CKAP4: variants seen among roughly 807,000 people sequenced by gnomAD.
CKAP4 encodes the protein cytoskeleton associated protein 4.
CKAP4 carries 20 observed loss-of-function variants against 24.4 expected under a neutral mutation model. The ratio of observed to expected loss-of-function variants is 0.82; its 90% CI spans 0.58 to 1.19. The LOEUF (loss-of-function observed/expected upper bound fraction) is 1.19. CKAP4 is among the 50% of genes most tolerant of loss of function. The probability of loss-of-function intolerance (pLI) is 0.00; values close to 1 mark genes in which losing one functional copy is unlikely to be tolerated. For synonymous variants in CKAP4, 378 were observed against 351.7 expected (o/e 1.07, Z -0.84); for missense variants, 744 against 765.3 (o/e 0.97, Z 0.33).
In CKAP4 at chr12:106,247,719, GCGGCGGCTGCTGCGGCGC is replaced by G. The variant is rs2034030033; in HGVS notation, c.115_132del (p.Ala39_Pro44del). 2 of 1,044,600 alleles carry G rather than the reference GCGGCGGCTGCTGCGGCGC, an allele frequency of 1.9e-6. No individual in the cohort carries two copies. The highest frequency in any genetic ancestry group is 2.3e-6 in the Non-Finnish European group (2 of 874,210). The allele number at this position is 1,044,600 out of a possible 1,614,324, so 64.7% of individuals were successfully genotyped here. On this transcript the variant is annotated inframe_deletion, in exon 1 of 2. Coordinates refer to ENST00000378026, the MANE Select transcript of CKAP4 (RefSeq NM_006825.4). The surrounding 1 kb of genome is among the most constrained non-coding windows in gnomAD (Gnocchi z 4.5). ...TGCTGCGGGTGCGGCGCGGGCGGCGGCGGCGGCTGCTGCGGCGCCGGCGGCGGCTTCTTCGCCACGTCA... is the reference window on the plus strand; with the variant it reads ...TGCTGCGGGTGCGGCGCGGGCGGCGGCGGCGGCGGCTTCTTCGCCACGTCA...
Position 106,247,662 on chromosome 12 carries a change from G to A in CKAP4, c.190C>T (p.His64Tyr). The A allele has an allele frequency of 9.0e-7, 1 of 1,109,286 alleles. No homozygotes were observed. The highest frequency in any genetic ancestry group is 1.1e-6 in the Non-Finnish European group (1 of 889,574). The allele number at this position is 1,109,286 out of a possible 1,614,324, so 68.7% of individuals were successfully genotyped here. A position where few individuals can be genotyped will look rare whatever the true frequency, so the allele number is the denominator to read the frequency against. The change falls in exon 1 of 2, where the codon CAC becomes TAC. Residue 64 changes from histidine (H) to tyrosine (Y), a missense_variant. This residue lies in a region of CKAP4 where 300 missense variants were observed against 264.5 expected (regional missense o/e 1.13). Coordinates refer to ENST00000378026, the MANE Select transcript of CKAP4 (RefSeq NM_006825.4). The surrounding 1 kb of genome is among the most constrained non-coding windows in gnomAD (Gnocchi z 4.5). ...HPQQHPQNQA[H>Y]GKGGHRGGGG... ...CCGCCGCGGTGGCCGCCCTTGCCGT[G>A]CGCCTGGTTCTGCGGGTGCTGCTGC...
rs1339521433 is a variant in CKAP4, at chr12:106,247,562, G to T, written c.290C>A (p.Ser97Ter). 2 of 1,457,720 alleles carry T rather than the reference G, an allele frequency of 1.4e-6. No homozygotes were observed. The highest frequency in any genetic ancestry group is 9.1e-7 in the Non-Finnish European group (1 of 1,104,728). The allele number at this position is 1,457,720 out of a possible 1,614,324, so 90.3% of individuals were successfully genotyped here. A position where few individuals can be genotyped will look rare whatever the true frequency, so the allele number is the denominator to read the frequency against. Reference sequence around the variant, plus strand: ...GCCGAGCCTGCGCGAGCAGGACGCCGAGGACGAGGCGGCGGCGGCGGCAGC... The same window carrying T: ...GCCGAGCCTGCGCGAGCAGGACGCCTAGGACGAGGCGGCGGCGGCGGCAGC... The part of the protein sequence containing the change: ...AAAAAAAASS[S>*]ASCSRRLGRA... The change falls in exon 1 of 2, where the codon TCG (serine) becomes TAG (stop). Residue 97 changes from serine to a stop codon, truncating the protein, a stop_gained. Coordinates refer to ENST00000378026, the MANE Select transcript of CKAP4 (RefSeq NM_006825.4). LOFTEE classifies it high-confidence loss of function. This position sits in a 1 kb window ranked among gnomAD's most constrained non-coding sequence, Gnocchi z 4.5.
At position 106,238,661 on chromosome 12, in the gene CKAP4, CCTT is replaced by C. The variant is rs759804666; in HGVS notation, c.*360_*362del. 5.9e-4 allele frequency: 109 copies of C among 183,538 alleles called. No individual in the cohort carries two copies. The highest frequency in any genetic ancestry group is 1.0e-3 in the Non-Finnish European group (91 of 90,106). The allele number at this position is 183,538 out of a possible 1,614,324, so 11.4% of individuals were successfully genotyped here. On this transcript the variant is annotated 3_prime_UTR_variant, in exon 2 of 2. Transcript: ENST00000378026. ...GAAAGAAAAGGGTCCCCCCAACCCACCTTTTTTTTTTTTTTACTTGAAATCTGC... is the reference window on the plus strand; with the variant it reads ...GAAAGAAAAGGGTCCCCCCAACCCACTTTTTTTTTTTTACTTGAAATCTGC...
Position 106,240,316 on chromosome 12 carries a change from C to A in CKAP4, c.517G>T (p.Glu173Ter). The part of the protein sequence containing the change: ...QSLQATFGTF[E>*]SILRSSQHKQ... ...TGTTGGGAGCTTCTCAAGATGGACT[C>A]AAAAGTTCCAAATGTGGCTTGCAAA... is the stretch of plus-strand genomic sequence containing the variant. The change falls in exon 2 of 2, where the codon GAG becomes TAG. Residue 173 changes from glutamate to a stop codon, truncating the protein, a stop_gained. Transcript: ENST00000378026. LOFTEE classifies it low-confidence loss of function (END_TRUNC). 1 of 1,613,632 alleles carries A rather than the reference C, an allele frequency of 6.2e-7. No individual in the cohort carries two copies. The highest frequency in any genetic ancestry group is 1.1e-5 in the South Asian group (1 of 91,066).
rs2033929610 is a variant in CKAP4 at position 106,238,385 on chromosome 12, TGCTTTGCATAGTTACC to T, written c.*623_*638del. ...TGCTTCACATTCAGAACCGCCTGGATGCTTTGCATAGTTACCTCTGATATCACAAGATGCGTCAGGA... is the reference window on the plus strand; with the variant it reads ...TGCTTCACATTCAGAACCGCCTGGATTCTGATATCACAAGATGCGTCAGGA... On this transcript the variant is annotated 3_prime_UTR_variant, in exon 2 of 2. Transcript: ENST00000378026. The T allele has an allele frequency of 1.3e-5, 2 of 152,924 alleles. No homozygotes were observed. Among genetic ancestry groups the T allele is most frequent in the African/African-American group, 4.8e-5 (2 of 41,430 alleles). The allele number at this position is 152,924 out of a possible 1,614,324, so 9.5% of individuals were successfully genotyped here.
chr12:106,240,297 G>T lies in CKAP4; in HGVS notation c.536C>A (p.Ser179Tyr). 6.2e-7 allele frequency: 1 copy of T among 1,614,126 alleles called. No individual in the cohort carries two copies. Among genetic ancestry groups the T allele is most frequent in the Non-Finnish European group, 8.5e-7 (1 of 1,180,010 alleles). The change falls in exon 2 of 2, where the codon TCC (serine) becomes TAC (tyrosine). Residue 179 changes from serine (S) to tyrosine (Y), a missense_variant. Physicochemically the swap from Ser to Tyr is moderately radical, Grantham distance 144. Transcript: ENST00000378026. ...CTCTGTGAGGTCTTGTTTATGTTGG[G>T]AGCTTCTCAAGATGGACTCAAAAGT... ...FGTFESILRS[S>Y]QHKQDLTEKA...
Position 106,240,291 on chromosome 12 carries a change from T to C in CKAP4, c.542A>G (p.His181Arg). 1 of 1,614,234 alleles carries C rather than the reference T, an allele frequency of 6.2e-7. No individual in the cohort carries two copies. ...AGCTTTCTCTGTGAGGTCTTGTTTATGTTGGGAGCTTCTCAAGATGGACTC... is the reference window on the plus strand; with the variant it reads ...AGCTTTCTCTGTGAGGTCTTGTTTACGTTGGGAGCTTCTCAAGATGGACTC... The part of the protein sequence containing the change: ...TFESILRSSQ[H>R]KQDLTEKAVK... Residue 181 changes from histidine (H) to arginine (R), a missense_variant, in exon 2 of 2, where the codon CAT becomes CGT. Transcript: ENST00000378026.
At position 106,239,723 on chromosome 12, in the gene CKAP4, G is replaced by A; in HGVS notation, c.1110C>T (p.Ile370=). 6.2e-7 allele frequency: 1 copy of A among 1,613,978 alleles called. No homozygotes were observed. Among genetic ancestry groups the A allele is most frequent in the South Asian group, 1.1e-5 (1 of 91,070 alleles). ...EESVSRLPEE[I]RRLEEELRQL... is the part of the protein sequence containing the mutation. ...GGCGGAGCTCTTCCTCCAGTCTCCG[G>A]ATCTCCTCCGGGAGGCGGGAGACGG... The change falls in exon 2 of 2, where the codon ATC becomes ATT. Residue 370 remains isoleucine, a synonymous_variant. Coordinates refer to ENST00000378026, the MANE Select transcript of CKAP4 (RefSeq NM_006825.4). This position sits in a 1 kb window ranked among gnomAD's most constrained non-coding sequence, Gnocchi z 4.9.
At chr12:106,244,375 TGA>T (rs1348699516) in intron 1 of CKAP4, among the ~76,000 whole-genome samples, 1 of 152,234 alleles carries the variant, frequency 6.6e-6, no homozygotes, top group Admixed American at 6.5e-5. Flanking sequence ...GGGGTTGTTG[TGA>T]GAGTCAGCAG....
chr12:106,244,782 C>G (rs2136536680), intron 1 of CKAP4, among the ~76,000 whole-genome samples: 1 of 152,266 alleles, frequency 6.6e-6, no homozygotes, highest in East Asian at 1.9e-4. Flanking sequence ...GAGTGAGACC[C>G]TGTCTCTACG....
chr12:106,238,934 T>G lies in CKAP4; in HGVS notation c.*90A>C, dbSNP rs888027309. On this transcript the variant is annotated 3_prime_UTR_variant, in exon 2 of 2. Transcript: ENST00000378026. Reference sequence around the variant, plus strand: ...TGCTCTTTAAGAGGGGACAAGAAATTGGGGGGTAGGGGACACATGGGAAAA... The same window carrying G: ...TGCTCTTTAAGAGGGGACAAGAAATGGGGGGGTAGGGGACACATGGGAAAA... 2.1e-6 allele frequency: 3 copies of G among 1,415,816 alleles called. No individual in the cohort carries two copies. The allele number at this position is 1,415,816 out of a possible 1,614,324, so 87.7% of individuals were successfully genotyped here. A position where few individuals can be genotyped will look rare whatever the true frequency, so the allele number is the denominator to read the frequency against.
rs776027566 is a variant in CKAP4, at chr12:106,239,488, C to A, written c.1345G>T (p.Ala449Ser). 1 of 1,606,826 alleles carries A rather than the reference C, an allele frequency of 6.2e-7. No individual in the cohort carries two copies. The change falls in exon 2 of 2, where the codon GCC becomes TCC. Residue 449 changes from alanine (A) to serine (S), a missense_variant. By Grantham distance (99) the Ala-to-Ser change is moderately conservative. Around this residue, in one of 3 missense-constraint regions of CKAP4, gnomAD observed 401 missense variants for 424.5 expected, o/e 0.94. Coordinates refer to ENST00000378026, the MANE Select transcript of CKAP4 (RefSeq NM_006825.4). The surrounding 1 kb of genome is among the most constrained non-coding windows in gnomAD (Gnocchi z 4.9). Reference sequence around the variant, plus strand: ...CCTTCCAGGCGCCCCTGCAGGGCGGCCAGGCGCTGCTCGTGCTCCTGGCTC... The same window carrying A: ...CCTTCCAGGCGCCCCTGCAGGGCGGACAGGCGCTGCTCGTGCTCCTGGCTC... ...SKSQEHEQRLAALQGRLEGLG... is the reference protein window; with the variant it reads ...SKSQEHEQRLSALQGRLEGLG...
Position 106,240,281 on chromosome 12 carries a change from G to A in CKAP4, c.552C>T (p.Asp184=), listed in dbSNP as rs761719003. The change falls in exon 2 of 2, where the codon GAC becomes GAT. Residue 184 remains aspartate, a synonymous_variant. Coordinates refer to ENST00000378026, the MANE Select transcript of CKAP4 (RefSeq NM_006825.4). The part of the protein sequence containing the change: ...SILRSSQHKQ[D]LTEKAVKQGE... ...CTTGCTTCACAGCTTTCTCTGTGAG[G>A]TCTTGTTTATGTTGGGAGCTTCTCA... The A allele has an allele frequency of 6.8e-6, 11 of 1,614,048 alleles. No homozygotes were observed. In the Admixed American group the frequency reaches 1.5e-4, roughly 22 times the overall value.
Position 106,247,977 on chromosome 12 carries a change from C to G in CKAP4, c.-126G>C, listed in dbSNP as rs1335159267. Reference sequence around the variant, plus strand: ...CACGCGGGCGCTGCTGGCGTCGGAGCGGCGAGAGGACGCGCGGCCGGGGAA... The same window carrying G: ...CACGCGGGCGCTGCTGGCGTCGGAGGGGCGAGAGGACGCGCGGCCGGGGAA... On this transcript the variant is annotated 5_prime_UTR_variant, in exon 1 of 2. Coordinates refer to ENST00000378026, the MANE Select transcript of CKAP4 (RefSeq NM_006825.4). The surrounding 1 kb of genome is among the most constrained non-coding windows in gnomAD (Gnocchi z 4.5). The G allele has an allele frequency of 3.7e-6, 2 of 544,262 alleles. No homozygotes were observed. Among genetic ancestry groups the G allele is most frequent in the Admixed American group, 6.2e-5 (1 of 16,096 alleles). 33.7% of individuals were successfully genotyped at this position (544,262 alleles called of 1,614,324 possible). A position where few individuals can be genotyped will look rare whatever the true frequency, so the allele number is the denominator to read the frequency against.
Position 106,247,772 on chromosome 12 carries a change from C to A in CKAP4, c.80G>T (p.Gly27Val). Reference sequence around the variant, plus strand: ...CTTCTTCGCCACGTCATCCGCGCCGCCCGACGGGTGGGCACCCTTCTCCGA... The same window carrying A: ...CTTCTTCGCCACGTCATCCGCGCCGACCGACGGGTGGGCACCCTTCTCCGA... ...SPSEKGAHPS[G>V]GADDVAKKPP... Residue 27 changes from glycine to valine, a missense_variant, in exon 1 of 2, where the codon GGC becomes GTC. Physicochemically the swap from Gly to Val is moderately radical, Grantham distance 109. Transcript: ENST00000378026. This position sits in a 1 kb window ranked among gnomAD's most constrained non-coding sequence, Gnocchi z 4.5. The A allele has an allele frequency of 9.5e-7, 1 of 1,056,860 alleles. No individual in the cohort carries two copies. Among genetic ancestry groups the A allele is most frequent in the Non-Finnish European group, 1.1e-6 (1 of 881,312 alleles). 65.5% of individuals were successfully genotyped at this position (1,056,860 alleles called of 1,614,324 possible). A position where few individuals can be genotyped will look rare whatever the true frequency, so the allele number is the denominator to read the frequency against.
intron 1 of CKAP4, among the ~76,000 whole-genome samples, chr12:106,244,592 A>C (rs995892347): frequency 6.6e-6 from 1 of 152,204 alleles, no homozygotes; most frequent in African/African-American, 2.4e-5. Flanking sequence ...GACCAGCCTG[A>C]GCAACACAGC....
At chr12:106,240,748 G>A (rs1216501812) in intron 1 of CKAP4, among the ~76,000 whole-genome samples, 2 of 151,422 alleles carry the variant, frequency 1.3e-5, no homozygotes, top group Non-Finnish European at 2.9e-5. Context: ...ATGCAGAAGA[G>A]ACATGTCGTG....
intron 1 of CKAP4, among the ~76,000 whole-genome samples, chr12:106,242,131 C>T (rs2033975092): frequency 6.6e-6 from 1 of 152,152 alleles, no homozygotes; most frequent in Non-Finnish European, 1.5e-5. Context: ...GTTATTTAGC[C>T]TATCTGTACC....
At position 106,237,992 on chromosome 12, in the gene CKAP4, GTTTTTT is replaced by G; in HGVS notation, c.*1026_*1031del. ...TTTTTTTTTTTTTTTTACTTTTCGG[GTTTTTT>G]TTTTTTTTTTTTTTTCAATTTTTTT... On this transcript the variant is annotated 3_prime_UTR_variant, in exon 2 of 2. Transcript: ENST00000378026. The G allele has an allele frequency of 7.1e-5, 5 of 70,512 alleles. No individual in the cohort carries two copies. The highest frequency in any genetic ancestry group is 2.5e-4 in the African/African-American group (4 of 16,246). The allele number at this position is 70,512 out of a possible 1,614,324, so 4.4% of individuals were successfully genotyped here. A position where few individuals can be genotyped will look rare whatever the true frequency, so the allele number is the denominator to read the frequency against.
Sources: gnomAD v4.1 joint callset for allele counts (sites outside exome capture counted in the v4.1 genomes callset) on GRCh38, gnomAD v4.1.1 for gene constraint, gnomAD v4.1.1 regional missense constraint, Gnocchi (gnomAD v3.1) non-coding constraint, MANE v1.5 for transcripts, NCBI Gene and HGNC (gene_info 2026-07-23, HGNC 2026-07-21) for gene names.